Variants in ARSJ observed in about 807,000 individuals in gnomAD.
The protein encoded by ARSJ is arylsulfatase family member J, also known as arylsulfatase J.
ARSJ carries 26 observed loss-of-function variants against 35.9 expected under a neutral mutation model. The ratio of observed to expected loss-of-function variants is 0.72; its 90% CI spans 0.53 to 1.00. The LOEUF (loss-of-function observed/expected upper bound fraction) is 1.00. ARSJ is among the 50% of genes least tolerant of loss of function. The probability of loss-of-function intolerance (pLI) is 0.00; values close to 1 mark genes in which losing one functional copy is unlikely to be tolerated. For synonymous variants in ARSJ, 294 were observed against 267.6 expected (o/e 1.10, Z -0.96); for missense variants, 667 against 723.6 (o/e 0.92, Z 0.90).
At chr4:113,905,860 G>C (rs1029439501) in intron 1 of ARSJ, among the ~76,000 whole-genome samples, 2 of 151,546 alleles carry the variant, frequency 1.3e-5, no homozygotes, top group African/African-American at 2.4e-5. Flanking sequence ...TAGAGATAGC[G>C]TTTCACTGTG....
chr4:113,941,193 C>T (rs1210460758), intron 1 of ARSJ, among the ~76,000 whole-genome samples: 4 of 152,016 alleles, frequency 2.6e-5, no homozygotes, highest in Non-Finnish European at 5.9e-5. Flanking sequence ...TGAGAACACA[C>T]TCCATATTCT....
At chr4:113,938,593 T>C (rs894607093) in intron 1 of ARSJ, among the ~76,000 whole-genome samples, 5 of 152,048 alleles carry the variant, frequency 3.3e-5, no homozygotes, top group Non-Finnish European at 7.4e-5. Context: ...ATCATCACAG[T>C]GTACAGGCAA....
In ARSJ at chr4:113,962,054, C is replaced by A. The variant is rs181783481; in HGVS notation, c.398+16383G>T. ...GCTCTTTCTGTTGATTTCTTTTAAT[C>A]ATCAACCATCTGACCATATGGATGG... On this transcript the variant is annotated intron_variant, in intron 1 of 1. Coordinates refer to ENST00000315366, the MANE Select transcript of ARSJ (RefSeq NM_024590.4). Among the ~76,000 whole-genome samples the A allele has an allele frequency of 6.2e-4, 94 of 152,106 alleles. 1 individual carries two copies. Among genetic ancestry groups the A allele is most frequent in the Admixed American group, 5.9e-4 (9 of 15,246 alleles).
At position 113,978,898 on chromosome 4, in the gene ARSJ, C is replaced by T. The variant is rs1160016583; in HGVS notation, c.-64G>A. ...CGCGCCCCGCGCCGCTGCGGGCGCA[C>T]ACATGCACCCAACAGACGGTGAAGA... On this transcript the variant is annotated 5_prime_UTR_variant, in exon 1 of 2. In the 5' UTR this introduces an upstream ATG that the reference lacks. Coordinates refer to ENST00000315366, the MANE Select transcript of ARSJ (RefSeq NM_024590.4). 14 of 1,482,084 alleles carry T rather than the reference C, an allele frequency of 9.4e-6. No individual in the cohort carries two copies. The highest frequency in any genetic ancestry group is 1.9e-4 in the Middle Eastern group (1 of 5,234). 91.8% of individuals were successfully genotyped at this position (1,482,084 alleles called of 1,614,324 possible). A position where few individuals can be genotyped will look rare whatever the true frequency, so the allele number is the denominator to read the frequency against.
chr4:113,920,223 C>G (rs1723583305), intron 1 of ARSJ, among the ~76,000 whole-genome samples: 1 of 152,130 alleles, frequency 6.6e-6, no homozygotes, highest in African/African-American at 2.4e-5. Context: ...AACGTTTCCA[C>G]AGAGTATTCA....
intron 1 of ARSJ, among the ~76,000 whole-genome samples, chr4:113,930,953 C>T (rs542902734): frequency 6.6e-6 from 1 of 150,728 alleles, no homozygotes; most frequent in African/African-American, 2.4e-5. Flanking sequence ...CATATTCTCA[C>T]TCATAGGTGG....
intron 1 of ARSJ, among the ~76,000 whole-genome samples, chr4:113,964,196 G>C (rs901240902): frequency 2.0e-4 from 31 of 151,988 alleles, no homozygotes; most frequent in Admixed American, 3.3e-4. Flanking sequence ...AGAAAATTAT[G>C]ATATACTGTA....
intron 1 of ARSJ, among the ~76,000 whole-genome samples, chr4:113,965,172 A>C (rs1251872825): frequency 6.6e-6 from 1 of 152,142 alleles, no homozygotes. Context: ...CTGAAAGGTA[A>C]TATTGACATC....
intron 1 of ARSJ, among the ~76,000 whole-genome samples, chr4:113,921,748 G>A (rs999584279): frequency 6.6e-6 from 1 of 151,848 alleles, no homozygotes; most frequent in Non-Finnish European, 1.5e-5. Flanking sequence ...TTTCTTTTTT[G>A]CAAACTGCTG....
chr4:113,947,556 G>C (rs1346528825), intron 1 of ARSJ, among the ~76,000 whole-genome samples: 1 of 140,692 alleles, frequency 7.1e-6, no homozygotes, highest in Admixed American at 7.2e-5. Context: ...GAGAGAGGGA[G>C]AGTGAGGGAG....
At chr4:113,965,102 A>G (rs79501951) in intron 1 of ARSJ, among the ~76,000 whole-genome samples, 1 of 152,236 alleles carries the variant, frequency 6.6e-6, no homozygotes, top group East Asian at 1.9e-4. Context: ...TAAGTTCTTC[A>G]TTTCATCTCT....
At chr4:113,977,167 G>C (rs75555423) in intron 1 of ARSJ, among the ~76,000 whole-genome samples, 14,848 of 152,164 alleles carry the variant, frequency 0.098, 945 homozygotes, top group Middle Eastern at 0.18. Flanking sequence ...CCACCAGATG[G>C]ACTAGTTATT....
At chr4:113,913,320 A>G (rs761946388) in intron 1 of ARSJ, among the ~76,000 whole-genome samples, 72 of 152,296 alleles carry the variant, frequency 4.7e-4, no homozygotes, top group Non-Finnish European at 7.6e-4. Context: ...GTCTCTTTGG[A>G]AACACAGCTA....
intron 1 of ARSJ, among the ~76,000 whole-genome samples, chr4:113,967,819 C>A (rs1726991221): frequency 6.6e-6 from 1 of 152,068 alleles, no homozygotes; most frequent in South Asian, 2.1e-4. Flanking sequence ...AAATTTTAAG[C>A]TATTGTACTA....
At chr4:113,947,720 A>G (rs768196441) in intron 1 of ARSJ, among the ~76,000 whole-genome samples, 9 of 152,232 alleles carry the variant, frequency 5.9e-5, no homozygotes, top group East Asian at 1.9e-4. Flanking sequence ...TTTAAAAAGT[A>G]TATGGACTGT....
In ARSJ at chr4:113,921,082, T is replaced by TACAC. The variant is rs746326993; in HGVS notation, c.399-17411_399-17408dup. On this transcript the variant is annotated intron_variant, in intron 1 of 1. Transcript: ENST00000315366. Reference sequence around the variant, plus strand: ...GTATATTGTTTATAATTCCCTGAAATACACACACACACACACACACACACA... The same window carrying TACAC: ...GTATATTGTTTATAATTCCCTGAAATACACACACACACACACACACACACACACA... Among the ~76,000 whole-genome samples, 1,214 of 129,652 alleles carry TACAC rather than the reference T, an allele frequency of 9.4e-3. 11 individuals are homozygous for TACAC. Among genetic ancestry groups the TACAC allele is most frequent in the African/African-American group, 0.027 (990 of 37,068 alleles). The allele number at this position is 129,652 out of a possible 152,430, so 85.1% of individuals were successfully genotyped here.
At chr4:113,967,071 A>G (rs373628074) in intron 1 of ARSJ, among the ~76,000 whole-genome samples, 4 of 152,312 alleles carry the variant, frequency 2.6e-5, no homozygotes, top group African/African-American at 7.2e-5. Flanking sequence ...GATAGGATAG[A>G]GAAATTTTAT....
intron 1 of ARSJ, among the ~76,000 whole-genome samples, chr4:113,962,071 T>C (rs919715760): frequency 3.3e-5 from 5 of 152,004 alleles, no homozygotes; most frequent in African/African-American, 1.2e-4. Flanking sequence ...CATCTGACCA[T>C]ATGGATGGAC....
chr4:113,955,952 T>G (rs1726154203), intron 1 of ARSJ, among the ~76,000 whole-genome samples: 1 of 152,076 alleles, frequency 6.6e-6, no homozygotes, highest in South Asian at 2.1e-4. Flanking sequence ...TATTTCTGAG[T>G]TATTTGTAGT....
Sources: allele counts gnomAD v4.1 joint callset (sites outside exome capture counted in the v4.1 genomes callset), GRCh38; gene constraint gnomAD v4.1.1; transcripts MANE v1.5; gene names NCBI Gene and HGNC (gene_info 2026-07-23, HGNC 2026-07-21).